FAM217A: variants seen among roughly 807,000 people sequenced by gnomAD.
FAM217A encodes the protein protein FAM217A.
A neutral mutation model predicts 18.5 loss-of-function variants in FAM217A; 13 were observed. The ratio of observed to expected loss-of-function variants is 0.70; its 90% confidence interval spans 0.46 to 1.12. FAM217A has a LOEUF of 1.12. Ranked by LOEUF, FAM217A falls within the 50% of genes most tolerant of loss-of-function variation. The pLI is 0.00. For synonymous variants in FAM217A, 161 were observed against 202.8 expected (o/e 0.79, Z 1.75); for missense variants, 560 against 575.4 (o/e 0.97, Z 0.27).
chr6:4,070,237 T>C (rs1769313805), intron 6 of FAM217A, among the ~76,000 whole-genome samples: 1 of 152,214 alleles, frequency 6.6e-6, no homozygotes, highest in Non-Finnish European at 1.5e-5. Flanking sequence ...AACTATATGT[T>C]TGTCTATAGT....
intron 6 of FAM217A, 89 bp from the exon 7 acceptor site, chr6:4,070,009 A>G: frequency 1.0e-6 from 1 of 999,678 alleles, no homozygotes; most frequent in African/African-American, 1.6e-5. Context: ...TTTATCAAAG[A>G]TTGGTTAATG....
At chr6:4,071,005 A>AC (rs961952667) in intron 6 of FAM217A, among the ~76,000 whole-genome samples, 8 of 152,082 alleles carry the variant, frequency 5.3e-5, no homozygotes, top group African/African-American at 1.9e-4. Context: ...CAAAAAAAAA[A>AC]AGAGAAAAAG....
Position 4,069,661 on chromosome 6 carries a change from A to T in FAM217A, c.562T>A (p.Leu188Met), listed in dbSNP as rs1356695031. ...TCCACACTGCTGTTTCCATGTTTCA[A>T]ATTCCAATTTGGAGCAGGTAATGTT... ...GETLPAPNWN[L>M]KHGNSSVEEN... The change falls in exon 7 of 7, where the codon TTG becomes ATG. Residue 188 changes from leucine to methionine, a missense_variant. Transcript: ENST00000274673. 3.1e-6 allele frequency: 5 copies of T among 1,614,158 alleles called. No individual in the cohort carries two copies. The highest frequency in any genetic ancestry group is 4.2e-6 in the Non-Finnish European group (5 of 1,180,024).
upstream of FAM217A, among the ~76,000 whole-genome samples, chr6:4,079,971 TCTC>T (rs1770169928): frequency 1.2e-5 from 1 of 84,610 alleles, no homozygotes; most frequent in Non-Finnish European, 2.2e-5. Flanking sequence ...GGGAAGAATC[TCTC>T]TCTATCTAGT....
upstream of FAM217A, among the ~76,000 whole-genome samples, chr6:4,083,158 T>G (rs1561932004): frequency 6.6e-6 from 1 of 152,210 alleles, no homozygotes; most frequent in Non-Finnish European, 1.5e-5. Context: ...GCTCTTACGT[T>G]AATTACAAGG....
chr6:4,073,164 A>G, intron 6 of FAM217A, 111 bp downstream of exon 6: 2 of 840,572 alleles, frequency 2.4e-6, no homozygotes, highest in Non-Finnish European at 3.7e-6. Flanking sequence ...ATTCCCACAG[A>G]ATACTATTTT....
chr6:4,081,246 A>C (rs1439588341), upstream of FAM217A, among the ~76,000 whole-genome samples: 2 of 152,218 alleles, frequency 1.3e-5, no homozygotes, highest in Non-Finnish European at 2.9e-5. Context: ...TATATGCCTG[A>C]TAATCCAATG....
At position 4,073,277 on chromosome 6, in the gene FAM217A, C is replaced by T; in HGVS notation, c.300G>A (p.Lys100=). 1 of 1,603,546 alleles carries T rather than the reference C, an allele frequency of 6.2e-7. No homozygotes were observed. The highest frequency in any genetic ancestry group is 8.5e-7 in the Non-Finnish European group (1 of 1,176,142). Residue 100 remains lysine (K), a splice_region_variant and synonymous_variant, in exon 6 of 7, where the codon AAG becomes AAA. Coordinates refer to ENST00000274673, the MANE Select transcript of FAM217A (RefSeq NM_173563.3). The part of the protein sequence containing the change: ...CPLNEGSTIE[K]REFKKSSVET... ...TTACAAAATAACTACTCGCTTACCT[C>T]TTCTCTATGGTACTTCCTTCATTAA...
upstream of FAM217A, chr6:4,087,241 C>A: frequency 1.8e-6 from 2 of 1,108,434 alleles, no homozygotes; most frequent in Non-Finnish European, 2.3e-6. Context: ...CAGTTTTCCC[C>A]AGAAATGGTC....
At position 4,077,344 on chromosome 6, in the gene FAM217A, G is replaced by T. The variant is rs776860575; in HGVS notation, c.60+11C>A. The T allele has an allele frequency of 3.1e-6, 5 of 1,613,976 alleles. No homozygotes were observed. In the Admixed American group the frequency reaches 8.3e-5, roughly 27 times the overall value. ...TGCCCAAACACTCAAGTTCAACAGC[G>T]CCTGCCATACCTCCTGAGAGATGTT... is the stretch of plus-strand genomic sequence containing the variant. On this transcript the variant is annotated intron_variant, in intron 2 of 6. Coordinates refer to ENST00000274673, the MANE Select transcript of FAM217A (RefSeq NM_173563.3).
chr6:4,078,854 C>T lies in FAM217A; in HGVS notation c.-37G>A. ...CGGGGCCGGGGCTCTCAACCCACCG[C>T]GCGAAGGCCCACGTGTCCTCCCCGG... On this transcript the variant is annotated splice_region_variant and 5_prime_UTR_variant, in exon 1 of 7. Transcript: ENST00000274673. 1 of 469,904 alleles carries T rather than the reference C, an allele frequency of 2.1e-6. No individual in the cohort carries two copies. 29.1% of individuals were successfully genotyped at this position (469,904 alleles called of 1,614,324 possible).
intron 6 of FAM217A, among the ~76,000 whole-genome samples, chr6:4,071,685 C>A (rs1178004668): frequency 6.6e-6 from 1 of 152,156 alleles, no homozygotes; most frequent in Non-Finnish European, 1.5e-5. Flanking sequence ...GGTTTTTTCT[C>A]ATAAAAATAG....
intron 6 of FAM217A, 96 bp from the exon 7 acceptor site, chr6:4,070,016 A>C (rs1769299671): frequency 1.1e-6 from 1 of 920,900 alleles, no homozygotes; most frequent in African/African-American, 1.7e-5. Context: ...AAGATTGGTT[A>C]ATGTTTAGTT....
chr6:4,086,788 TC>T (rs1460894453), intron 1 of FAM217A, among the ~76,000 whole-genome samples: 1 of 152,222 alleles, frequency 6.6e-6, no homozygotes, highest in African/African-American at 2.4e-5. Flanking sequence ...GCATTTTTGT[TC>T]CAAATCTGAT....
At chr6:4,079,553 T>C (rs1311281193), upstream of FAM217A, 2 of 1,240,746 alleles carry the variant, frequency 1.6e-6, no homozygotes, top group African/African-American at 3.1e-5. Flanking sequence ...TCCAGGCCCT[T>C]CCCTGGGCCT....
chr6:4,069,112 A>C lies in FAM217A; in HGVS notation c.1111T>G (p.Trp371Gly). 6.2e-7 allele frequency: 1 copy of C among 1,614,148 alleles called. No homozygotes were observed. The highest frequency in any genetic ancestry group is 8.5e-7 in the Non-Finnish European group (1 of 1,180,018). ...CATCTATATTTGCCAGCATTGCTCC[A>C]ATTCCGTTTTAAAGCATTTTGTTCA... Reference protein sequence around the residue: ...KLEQNALKRNWSNAGKYRWNS... With the variant: ...KLEQNALKRNGSNAGKYRWNS... Residue 371 changes from tryptophan to glycine, a missense_variant, in exon 7 of 7, where the codon TGG becomes GGG. Coordinates refer to ENST00000274673, the MANE Select transcript of FAM217A (RefSeq NM_173563.3).
chr6:4,083,749 T>C (rs1770461939), upstream of FAM217A, among the ~76,000 whole-genome samples: 4 of 152,260 alleles, frequency 2.6e-5, no homozygotes, highest in South Asian at 8.3e-4. Context: ...AGACGAGGTT[T>C]CACCATATTG....
At chr6:4,079,768 A>G (rs1581897308), upstream of FAM217A, 3 of 762,274 alleles carry the variant, frequency 3.9e-6, no homozygotes, top group African/African-American at 5.9e-5. Context: ...TTAACATAGA[A>G]GAAGAGGCAT....
Position 4,068,591 on chromosome 6 carries a change from T to G in FAM217A, c.*105A>C. The G allele has an allele frequency of 7.8e-7, 1 of 1,289,834 alleles. No homozygotes were observed. The highest frequency in any genetic ancestry group is 1.1e-6 in the Non-Finnish European group (1 of 943,822). The allele number at this position is 1,289,834 out of a possible 1,614,324, so 79.9% of individuals were successfully genotyped here. A position where few individuals can be genotyped will look rare whatever the true frequency, so the allele number is the denominator to read the frequency against. On this transcript the variant is annotated 3_prime_UTR_variant, in exon 7 of 7. Transcript: ENST00000274673. ...TCACATCAAGCAACTGTTTGGTGAT[T>G]TTGGGGGACTGTTAATAGTACCTGT...
Sources: gnomAD v4.1 joint callset for allele counts (sites outside exome capture counted in the v4.1 genomes callset) on GRCh38, gnomAD v4.1.1 for gene constraint, MANE v1.5 for transcripts, NCBI Gene and HGNC (gene_info 2026-07-23, HGNC 2026-07-21) for gene names.